Variants in LRMDA observed in about 807,000 individuals in gnomAD.
LRMDA encodes leucine rich melanocyte differentiation associated.
Under a neutral mutation model 29.8 loss-of-function variants are expected in LRMDA, and 18 were observed. The ratio of observed to expected loss-of-function variants is 0.60; its 90% CI spans 0.42 to 0.90. The LOEUF is 0.90. Among genes scored for constraint, LRMDA ranks in the 40% least tolerant of loss-of-function variants. The pLI is 0.00. For missense variants in LRMDA, 273 were observed against 273.9 expected (o/e 1.00, Z 0.02); for synonymous variants, 125 against 109.4 (o/e 1.14, Z -0.89).
intron 5 of LRMDA, among the ~76,000 whole-genome samples, chr10:76,132,966 C>CTTTTTT (rs35997711): frequency 7.5e-4 from 43 of 57,384 alleles, no homozygotes; most frequent in South Asian, 2.0e-3. Context: ...CCACGCCCGG[C>CTTTTTT]TTTTTTTTTT....
At chr10:76,453,439 C>A (rs1430454067) in intron 6 of LRMDA, among the ~76,000 whole-genome samples, 1 of 152,170 alleles carries the variant, frequency 6.6e-6, no homozygotes, top group African/African-American at 2.4e-5. Flanking sequence ...CTTCTTGAAA[C>A]ATGTATTCCC....
chr10:75,665,702 A>G (rs1188245462), intron 2 of LRMDA, among the ~76,000 whole-genome samples: 2 of 152,224 alleles, frequency 1.3e-5, no homozygotes, highest in Non-Finnish European at 2.9e-5. Context: ...TTGTGAAAGA[A>G]TTTGAAATTG....
At chr10:75,590,906 C>T (rs909037788) in intron 2 of LRMDA, among the ~76,000 whole-genome samples, 2 of 151,728 alleles carry the variant, frequency 1.3e-5, no homozygotes, top group African/African-American at 2.4e-5. Context: ...CCACCACACC[C>T]GGCAAATTTT....
At chr10:76,386,480 G>A (rs1454518033) in intron 6 of LRMDA, among the ~76,000 whole-genome samples, 1 of 152,108 alleles carries the variant, frequency 6.6e-6, no homozygotes, top group African/African-American at 2.4e-5. Context: ...CTTTGCATTG[G>A]CTGGTTTGGG....
At chr10:76,007,025 T>TGC (rs1554840196) in intron 2 of LRMDA, among the ~76,000 whole-genome samples, 2 of 27,474 alleles carry the variant, frequency 7.3e-5, no homozygotes, top group African/African-American at 1.7e-4. Context: ...TGTGTGTGTG[T>TGC]GTGTGTGCGC....
At chr10:75,750,215 C>T (rs939028565) in intron 2 of LRMDA, among the ~76,000 whole-genome samples, 3 of 150,342 alleles carry the variant, frequency 2.0e-5, no homozygotes, top group African/African-American at 7.4e-5. Context: ...CGGGCAGAGG[C>T]GCCCCCCACC....
chr10:76,043,648 A>G lies in LRMDA; in HGVS notation c.259-3516A>G, dbSNP rs79106459. On this transcript the variant is annotated intron_variant, in intron 3 of 6. Coordinates refer to ENST00000611255, the MANE Select transcript of LRMDA (RefSeq NM_001305581.2). ...TATGCAAACAAGAAACCCTTGACGC[A>G]TGAGCTTTATTAGCTCCATGGTAGA... 4.5e-3 allele frequency among the ~76,000 whole-genome samples: 682 copies of G among 152,198 alleles called. 4 individuals are homozygous for G. The highest frequency in any genetic ancestry group is 0.015 in the African/African-American group (638 of 41,498).
chr10:76,276,073 TTCTCTC>T (rs553076361), intron 5 of LRMDA, among the ~76,000 whole-genome samples: 1 of 150,314 alleles, frequency 6.7e-6, no homozygotes, highest in Admixed American at 6.6e-5. Flanking sequence ...CTCTCTTTCT[TTCTCTC>T]TCTTTCTTTC....
chr10:75,895,071 C>T (rs1165657364), intron 2 of LRMDA, among the ~76,000 whole-genome samples: 1 of 152,088 alleles, frequency 6.6e-6, no homozygotes, highest in Non-Finnish European at 1.5e-5. Flanking sequence ...AACTTGAAGT[C>T]CTGGAGAAGA....
intron 2 of LRMDA, among the ~76,000 whole-genome samples, chr10:75,752,123 G>A (rs1048264670): frequency 2.7e-5 from 4 of 149,652 alleles, no homozygotes; most frequent in Admixed American, 1.3e-4. Context: ...ATAATTTTTT[G>A]TTTTCGTGAT....
At chr10:76,150,389 T>C (rs1295947198) in intron 5 of LRMDA, among the ~76,000 whole-genome samples, 7 of 152,294 alleles carry the variant, frequency 4.6e-5, no homozygotes, top group African/African-American at 1.7e-4. Flanking sequence ...AAGGGTGTTG[T>C]GGAATGTGCT....
chr10:75,469,462 A>T (rs1844700155), intron 2 of LRMDA, among the ~76,000 whole-genome samples: 1 of 152,024 alleles, frequency 6.6e-6, no homozygotes, highest in Admixed American at 6.6e-5. Flanking sequence ...CTGTTTCCAC[A>T]TCTCCCTTTC....
chr10:76,386,890 G>A (rs7087548), intron 6 of LRMDA, among the ~76,000 whole-genome samples: 51,160 of 151,864 alleles, frequency 0.34, 12,578 homozygotes, highest in African/African-American at 0.69. Context: ...CAGTAGAAAT[G>A]TTGGACAAAA....
chr10:75,742,320 G>T (rs544806482), intron 2 of LRMDA, among the ~76,000 whole-genome samples: 2 of 152,224 alleles, frequency 1.3e-5, no homozygotes, highest in African/African-American at 4.8e-5. Context: ...GCAAAGGAAG[G>T]CTTCAGGAGA....
At chr10:75,505,433 CAG>C (rs1471417953) in intron 2 of LRMDA, among the ~76,000 whole-genome samples, 1 of 152,108 alleles carries the variant, frequency 6.6e-6, no homozygotes, top group Non-Finnish European at 1.5e-5. Context: ...TGTAGATAAT[CAG>C]GGGACAGCCA....
At chr10:76,275,694 G>T (rs1450633553) in intron 5 of LRMDA, among the ~76,000 whole-genome samples, 1 of 152,012 alleles carries the variant, frequency 6.6e-6, no homozygotes, top group East Asian at 1.9e-4. Context: ...AATTGTGTGT[G>T]TGTTGGTTTT....
chr10:76,301,513 G>T (rs1169069634), intron 5 of LRMDA, among the ~76,000 whole-genome samples: 1 of 152,150 alleles, frequency 6.6e-6, no homozygotes, highest in Non-Finnish European at 1.5e-5. Flanking sequence ...CCAAGTGCTT[G>T]CTTCATCACG....
intron 2 of LRMDA, among the ~76,000 whole-genome samples, chr10:75,580,100 G>C (rs143622385): frequency 2.6e-5 from 4 of 152,112 alleles, no homozygotes; most frequent in African/African-American, 7.2e-5. Context: ...AGAAATAAAG[G>C]GTATTCAATT....
intron 2 of LRMDA, among the ~76,000 whole-genome samples, chr10:75,751,583 A>G (rs1243766895): frequency 6.6e-6 from 1 of 152,124 alleles, no homozygotes; most frequent in Non-Finnish European, 1.5e-5. Context: ...GGTTGGGAGG[A>G]TTCAAAGACT....
Sources: gnomAD v4.1 joint callset for allele counts (sites outside exome capture counted in the v4.1 genomes callset) on GRCh38, gnomAD v4.1.1 for gene constraint, MANE v1.5 for transcripts, NCBI Gene and HGNC (gene_info 2026-07-23, HGNC 2026-07-21) for gene names.